KCNH5: variants seen among roughly 807,000 people sequenced by gnomAD.
KCNH5 encodes the protein voltage-gated delayed rectifier potassium channel KCNH5.
A neutral mutation model predicts 96.1 loss-of-function variants in KCNH5; 46 were observed. The ratio of observed to expected loss-of-function variants is 0.48; its 90% CI spans 0.38 to 0.61. The LOEUF is 0.61. KCNH5 is among the 20% of genes least tolerant of loss of function. The probability of loss-of-function intolerance (pLI) is 0.00; values close to 1 mark genes in which losing one functional copy is unlikely to be tolerated. For missense variants in KCNH5, 907 were observed against 1,225.8 expected, an observed-to-expected ratio of 0.74 and a Z score of 3.88; for synonymous variants, 439 against 449.8, an observed-to-expected ratio of 0.98 and a Z score of 0.30.
chr14:62,938,211 G>C (rs1197138626), intron 7 of KCNH5, among the ~76,000 whole-genome samples: 1 of 152,084 alleles, frequency 6.6e-6, no homozygotes, highest in Non-Finnish European at 1.5e-5. Context: ...AGTCTAAAAA[G>C]GGTAGCTACA....
chr14:62,953,884 G>C (rs534132233), intron 6 of KCNH5, among the ~76,000 whole-genome samples: 1 of 152,074 alleles, frequency 6.6e-6, no homozygotes, highest in East Asian at 1.9e-4. Flanking sequence ...TATCAGTCTC[G>C]TATTTCTTTA....
intron 7 of KCNH5, among the ~76,000 whole-genome samples, chr14:62,937,069 A>T (rs181816102): frequency 6.6e-6 from 1 of 152,168 alleles, no homozygotes; most frequent in East Asian, 1.9e-4. Flanking sequence ...CTACAGCACA[A>T]ATCTATGTAC....
chr14:62,866,503 A>G (rs1888137281), intron 7 of KCNH5, among the ~76,000 whole-genome samples: 1 of 152,210 alleles, frequency 6.6e-6, no homozygotes, highest in Admixed American at 6.5e-5. Context: ...AGCCATATCA[A>G]GTTCATTCTA....
intron 7 of KCNH5, among the ~76,000 whole-genome samples, chr14:62,916,428 T>C (rs890565246): frequency 2.0e-5 from 3 of 152,234 alleles, no homozygotes; most frequent in Admixed American, 1.3e-4. Context: ...TGTCAAACAA[T>C]TGGCATCTTC....
intron 10 of KCNH5, among the ~76,000 whole-genome samples, 170 bp downstream of exon 10, chr14:62,779,558 T>C (rs1309759279): frequency 4.6e-5 from 7 of 152,304 alleles, no homozygotes; most frequent in Non-Finnish European, 7.3e-5. Flanking sequence ...AGGGTTTTTT[T>C]CCTTAAAAAG....
chr14:63,014,663 G>A (rs142470400), intron 2 of KCNH5, among the ~76,000 whole-genome samples: 3 of 152,144 alleles, frequency 2.0e-5, no homozygotes, highest in African/African-American at 7.2e-5. Context: ...AAAGCAATAA[G>A]AATAAAAACC....
At chr14:62,983,693 A>G (rs1331596907) in intron 5 of KCNH5, among the ~76,000 whole-genome samples, 1 of 152,174 alleles carries the variant, frequency 6.6e-6, no homozygotes, top group Non-Finnish European at 1.5e-5. Context: ...GCTATATATT[A>G]GAATCATCTG....
intron 8 of KCNH5, among the ~76,000 whole-genome samples, chr14:62,840,566 C>CTTTTTTT (rs71120238): frequency 6.3e-3 from 477 of 76,084 alleles, no homozygotes; most frequent in Middle Eastern, 8.6e-3. Flanking sequence ...TCTTTTTTTT[C>CTTTTTTT]TTTTTTTTTT....
chr14:62,880,793 T>G (rs1043081163), intron 7 of KCNH5, among the ~76,000 whole-genome samples: 2 of 152,202 alleles, frequency 1.3e-5, no homozygotes, highest in Admixed American at 6.5e-5. Flanking sequence ...GAGCAATCAC[T>G]GTAAATTTAG....
intron 10 of KCNH5, among the ~76,000 whole-genome samples, chr14:62,768,243 A>AGG (rs1231439797): frequency 2.6e-5 from 4 of 152,234 alleles, no homozygotes; most frequent in Non-Finnish European, 5.9e-5. Context: ...AAGAAAAAGT[A>AGG]AAACAAGGCC....
chr14:63,028,408 ATGT>A (rs1230414776), intron 1 of KCNH5, among the ~76,000 whole-genome samples: 1 of 152,092 alleles, frequency 6.6e-6, no homozygotes, highest in Non-Finnish European at 1.5e-5. Context: ...ATTGGGCCTG[ATGT>A]TGTACATGTT....
At chr14:62,952,576 T>C (rs1048739323) in intron 6 of KCNH5, among the ~76,000 whole-genome samples, 13 of 152,362 alleles carry the variant, frequency 8.5e-5, no homozygotes, top group African/African-American at 3.1e-4. Flanking sequence ...GATAATATTT[T>C]CTGGTTAGCT....
chr14:62,942,871 T>G (rs1028505582), intron 7 of KCNH5, among the ~76,000 whole-genome samples: 1 of 152,218 alleles, frequency 6.6e-6, no homozygotes, highest in African/African-American at 2.4e-5. Context: ...AAGACTCAGT[T>G]TGCATTGCAT....
chr14:62,823,467 C>G (rs1469468756), intron 8 of KCNH5, among the ~76,000 whole-genome samples: 1 of 151,928 alleles, frequency 6.6e-6, no homozygotes, highest in Non-Finnish European at 1.5e-5. Context: ...AAATTAATAC[C>G]TCTAAACACC....
chr14:62,763,096 C>T (rs1885787952), intron 10 of KCNH5, among the ~76,000 whole-genome samples: 1 of 152,142 alleles, frequency 6.6e-6, no homozygotes, highest in South Asian at 2.1e-4. Flanking sequence ...ATACAATTCT[C>T]CTCATCTGCA....
At chr14:62,820,274 A>T (rs1283612047) in intron 8 of KCNH5, among the ~76,000 whole-genome samples, 1 of 151,560 alleles carries the variant, frequency 6.6e-6, no homozygotes, top group African/African-American at 2.4e-5. Flanking sequence ...GAATTGTGAA[A>T]CCTCTATCTT....
chr14:62,809,728 G>A (rs747684427), intron 8 of KCNH5, among the ~76,000 whole-genome samples: 6 of 152,030 alleles, frequency 3.9e-5, no homozygotes, highest in South Asian at 4.1e-4. Context: ...CAGTCTTACC[G>A]GAATTTGTCT....
intron 7 of KCNH5, among the ~76,000 whole-genome samples, chr14:62,900,198 G>A (rs2140092454): frequency 6.6e-6 from 1 of 152,230 alleles, no homozygotes; most frequent in South Asian, 2.1e-4. Flanking sequence ...CAGAATAATT[G>A]TCAACAATTA....
At chr14:62,772,813 A>C (rs1886018908) in intron 10 of KCNH5, among the ~76,000 whole-genome samples, 1 of 152,190 alleles carries the variant, frequency 6.6e-6, no homozygotes, top group South Asian at 2.1e-4. Context: ...AACAATACTC[A>C]TATGAAAGTT....
Sources: gnomAD v4.1 joint callset for allele counts (sites outside exome capture counted in the v4.1 genomes callset) on GRCh38, gnomAD v4.1.1 for gene constraint, MANE v1.5 for transcripts, NCBI Gene and HGNC (gene_info 2026-07-23, HGNC 2026-07-21) for gene names.